The following ASPM variants were observed in gnomAD, a reference collection of about 807,000 sequenced individuals.
ASPM encodes abnormal spindle-like microcephaly-associated protein.
A neutral mutation model predicts 366.4 loss-of-function variants in ASPM; 256 were observed. The observed-to-expected ratio is 0.70, with a 90% confidence interval of 0.63 to 0.77. The LOEUF (loss-of-function observed/expected upper bound fraction) is 0.77, where lower values mean the gene tolerates loss of function less well. ASPM is among the 30% of genes least tolerant of loss of function. The pLI, the probability that ASPM is intolerant of heterozygous loss-of-function variation, is 0.00. For synonymous variants in ASPM, 1,414 were observed against 1,342.9 expected (o/e 1.05, Z -1.16); for missense variants, 4,146 against 4,090.4 (o/e 1.01, Z -0.37).
intron 16 of ASPM, among the ~76,000 whole-genome samples, chr1:197,119,921 C>T (rs1657852648): frequency 6.6e-6 from 1 of 152,030 alleles, no homozygotes; most frequent in Admixed American, 6.6e-5. Context: ...TGAAAAATAG[C>T]TATCTCAAGT....
At chr1:197,139,260 A>C (rs1390561285) in intron 4 of ASPM, 1 of 944,308 alleles carries the variant, frequency 1.1e-6, no homozygotes, top group African/African-American at 1.7e-5. Flanking sequence ...CCTTTTACCA[A>C]CTTTCACTTC....
Position 197,101,277 on chromosome 1 carries a change from G to C in ASPM, c.7974C>G (p.Tyr2658Ter). The C allele has an allele frequency of 6.2e-7, 1 of 1,611,810 alleles. No individual in the cohort carries two copies. Among genetic ancestry groups the C allele is most frequent in the South Asian group, 1.1e-5 (1 of 91,030 alleles). ...RATVVSIQRRYRKLTAVRTQA... is the reference protein window; with the variant it reads ...RATVVSIQRR ...GGGTACGCACTGCAGTTAGTTTTCTGTATCTTCTTTGAATAGAAACTACTG... is the reference window on the plus strand; with the variant it reads ...GGGTACGCACTGCAGTTAGTTTTCTCTATCTTCTTTGAATAGAAACTACTG... The change falls in exon 18 of 28, where the codon TAC becomes TAG. Residue 2658 changes from tyrosine (Y) to a stop codon, truncating the protein, a stop_gained. Coordinates refer to ENST00000367409, the MANE Select transcript of ASPM (RefSeq NM_018136.5). LOFTEE classifies it high-confidence loss of function.
chr1:197,096,185 A>G (rs990303859), intron 18 of ASPM, 21 bp from the exon 19 acceptor site: 8 of 1,555,804 alleles, frequency 5.1e-6, no homozygotes, highest in South Asian at 2.2e-5. Context: ...CATAAATATA[A>G]CAAGTATGCA....
chr1:197,146,373 G>A lies in ASPM; in HGVS notation c.65C>T (p.Ala22Val), dbSNP rs761690546. 5 of 1,607,286 alleles carry A rather than the reference G, an allele frequency of 3.1e-6. No individual in the cohort carries two copies. The Admixed American group carries it at 5.0e-5, about 16-fold the overall frequency. The change falls in exon 1 of 28, where the codon GCG (alanine) becomes GTG (valine). Residue 22 changes from alanine to valine, a missense_variant. Physicochemically the swap from Ala to Val is moderately conservative, Grantham distance 64. Coordinates refer to ENST00000367409, the MANE Select transcript of ASPM (RefSeq NM_018136.5). ...EVSPTERRPP[A>V]GLRGPAAEEE... ...CTCGGCCGCGGGGCCCCGCAGCCCC[G>A]CGGGCGGCCTCCGCTCGGTCGGGCT...
chr1:197,109,103 T>C (rs1417106696), intron 17 of ASPM, among the ~76,000 whole-genome samples: 1 of 151,722 alleles, frequency 6.6e-6, no homozygotes, highest in Non-Finnish European at 1.5e-5. Context: ...TGCACAATTA[T>C]GTCAAGTAAA....
In ASPM at chr1:197,142,354, TTCTC is replaced by T; in HGVS notation, c.1894_1897del (p.Glu632AsnfsTer2). On this transcript the variant is annotated frameshift_variant, in exon 3 of 28. Coordinates refer to ENST00000367409, the MANE Select transcript of ASPM (RefSeq NM_018136.5). LOFTEE classifies it high-confidence loss of function. ...ACCAGTTTTCTTCTTCAGGTTTAAT[TTCTC>T]TCTGTTGCTAATACGTTTTGAGATG... 1 of 1,613,870 alleles carries T rather than the reference TTCTC, an allele frequency of 6.2e-7. No homozygotes were observed. Among genetic ancestry groups the T allele is most frequent in the East Asian group, 2.2e-5 (1 of 44,862 alleles).
In ASPM at chr1:197,133,843, AATG is replaced by A. The variant is rs528691920; in HGVS notation, c.2174-251_2174-249del. On this transcript the variant is annotated intron_variant, in intron 5 of 27. Transcript: ENST00000367409. ...AACATGATTATCTCTAATCCGGACTAATGAATTAACTTCCTCACTGGTTTATCT... is the reference window on the plus strand; with the variant it reads ...AACATGATTATCTCTAATCCGGACTAAATTAACTTCCTCACTGGTTTATCT... Among the ~76,000 whole-genome samples, 266 of 152,302 alleles carry A rather than the reference AATG, an allele frequency of 1.7e-3. 2 individuals are homozygous for A. The highest frequency in any genetic ancestry group is 6.0e-3 in the African/African-American group (251 of 41,554).
intron 10 of ASPM, among the ~76,000 whole-genome samples, chr1:197,126,018 C>T (rs965174992): frequency 6.6e-6 from 1 of 152,150 alleles, no homozygotes; most frequent in African/African-American, 2.4e-5. Context: ...AGTCATTTTG[C>T]TGACACTTAT....
In ASPM at chr1:197,104,026, T is replaced by C; in HGVS notation, c.5225A>G (p.Tyr1742Cys). ...TAACCTCATCTGCTTTCGGACAAGG[T>C]ATCCTCTAACAAATGCTTGCAGTTT... ...CIKLQAFVRG[Y>C]LVRKQMRLQR... Residue 1742 changes from tyrosine (Y) to cysteine (C), a missense_variant, in exon 18 of 28, where the codon TAC (tyrosine) becomes TGC (cysteine). This residue lies in a region of ASPM where 3,624 missense variants were observed against 3,591.7 expected (regional missense o/e 1.01). Coordinates refer to ENST00000367409, the MANE Select transcript of ASPM (RefSeq NM_018136.5). 2 of 1,612,764 alleles carry C rather than the reference T, an allele frequency of 1.2e-6. No individual in the cohort carries two copies. The highest frequency in any genetic ancestry group is 1.7e-6 in the Non-Finnish European group (2 of 1,179,456).
At position 197,101,935 on chromosome 1, in the gene ASPM, C is replaced by T; in HGVS notation, c.7316G>A (p.Arg2439Lys). ...GGCACAAATGGTGGCTCGATATTTC[C>T]TCTGAACAAAAATAGTAGCTTTTTT... ...SLKKATIFVQ[R>K]KYRATICAKH... Residue 2439 changes from arginine to lysine, a missense_variant, in exon 18 of 28, where the codon AGG (arginine) becomes AAG (lysine). Arg to Lys is a conservative substitution (Grantham distance 26). This residue lies in a region of ASPM where 3,624 missense variants were observed against 3,591.7 expected (regional missense o/e 1.01). Transcript: ENST00000367409. The T allele has an allele frequency of 1.2e-6, 2 of 1,612,632 alleles. No individual in the cohort carries two copies. The highest frequency in any genetic ancestry group is 1.7e-6 in the Non-Finnish European group (2 of 1,179,198).
chr1:197,144,603 C>T (rs1658707983), intron 1 of ASPM, among the ~76,000 whole-genome samples: 1 of 152,154 alleles, frequency 6.6e-6, no homozygotes, highest in South Asian at 2.1e-4. Context: ...TCCTGTAAAA[C>T]TCATTTAATG....
rs752011786 is a variant in ASPM at position 197,103,550 on chromosome 1, C to A, written c.5701G>T (p.Ala1901Ser). Reference protein sequence around the residue: ...RKQIRREHQAALKIQSAFRMA... With the variant: ...RKQIRREHQASLKIQSAFRMA... ...CTAAAAGCAGACTGAATCTTCAAGG[C>A]AGCTTGATGTTCCCTTCTAATCTGT... The change falls in exon 18 of 28, where the codon GCC (alanine) becomes TCC (serine). Residue 1901 changes from alanine (A) to serine (S), a missense_variant. Coordinates refer to ENST00000367409, the MANE Select transcript of ASPM (RefSeq NM_018136.5). The A allele has an allele frequency of 6.2e-7, 1 of 1,613,106 alleles. No homozygotes were observed. Among genetic ancestry groups the A allele is most frequent in the South Asian group, 1.1e-5 (1 of 91,072 alleles).
At chr1:197,125,796 C>T (rs1658073863) in intron 10 of ASPM, among the ~76,000 whole-genome samples, 2 of 151,990 alleles carry the variant, frequency 1.3e-5, no homozygotes, top group South Asian at 4.2e-4. Context: ...ATCTACCTAA[C>T]AAAGACAGAA....
intron 17 of ASPM, among the ~76,000 whole-genome samples, chr1:197,113,202 G>A (rs901071894): frequency 1.3e-4 from 20 of 152,162 alleles, no homozygotes; most frequent in Admixed American, 7.2e-4. Context: ...AATAGACACC[G>A]GGACTGCTTG....
In ASPM at chr1:197,117,747, T is replaced by C. The variant is rs745745586; in HGVS notation, c.4065+42A>G. Reference sequence around the variant, plus strand: ...TTTGCCTTCTTACTTAAAAAAGTCATTAAAATTTTTTAAATTCAAAAATTA... The same window carrying C: ...TTTGCCTTCTTACTTAAAAAAGTCACTAAAATTTTTTAAATTCAAAAATTA... On this transcript the variant is annotated intron_variant, in intron 17 of 27. Transcript: ENST00000367409. 14 of 1,541,354 alleles carry C rather than the reference T, an allele frequency of 9.1e-6. No homozygotes were observed. In the South Asian group the frequency reaches 1.4e-4, roughly 16 times the overall value.
chr1:197,144,187 G>T (rs1571632131), intron 1 of ASPM, 87 bp from the exon 2 acceptor site: 3 of 948,056 alleles, frequency 3.2e-6, no homozygotes, highest in East Asian at 5.2e-5. Context: ...ATATAGTAGG[G>T]CTTAATAATT....
chr1:197,107,702 G>A (rs1390462481), intron 17 of ASPM, among the ~76,000 whole-genome samples: 1 of 152,096 alleles, frequency 6.6e-6, no homozygotes, highest in Non-Finnish European at 1.5e-5. Flanking sequence ...AAAAGTCTCA[G>A]TAAAGACATC....
chr1:197,133,639 C>T (rs776288080), intron 5 of ASPM, 44 bp from the exon 6 acceptor site: 2 of 1,590,226 alleles, frequency 1.3e-6, no homozygotes, highest in Non-Finnish European at 8.6e-7. Context: ...TAAACAATAT[C>T]TCTACATATT....
At chr1:197,085,907 C>G (rs1170708586) in intron 27 of ASPM, among the ~76,000 whole-genome samples, 1 of 151,928 alleles carries the variant, frequency 6.6e-6, no homozygotes, top group African/African-American at 2.4e-5. Flanking sequence ...TAAATTTTAC[C>G]TCAAAAGCCT....
Sources: gnomAD v4.1 joint callset for allele counts (sites outside exome capture counted in the v4.1 genomes callset) on GRCh38, gnomAD v4.1.1 for gene constraint, gnomAD v4.1.1 regional missense constraint, MANE v1.5 for transcripts, NCBI Gene and HGNC (gene_info 2026-07-23, HGNC 2026-07-21) for gene names.